The following PHACTR3 variants were observed in gnomAD, a reference collection of about 807,000 sequenced individuals.
PHACTR3 encodes protein phosphatase 1, regulatory subunit 123.
PHACTR3 carries 16 observed loss-of-function variants against 66.8 expected under a neutral mutation model. The observed-to-expected ratio is 0.24, with a 90% CI of 0.16 to 0.36. The LOEUF is 0.36. Among genes scored for constraint, PHACTR3 ranks in the 10% least tolerant of loss-of-function variants. The pLI, the probability that PHACTR3 is intolerant of heterozygous loss-of-function variation, is 1.00. For synonymous variants in PHACTR3, 323 were observed against 292.1 expected, an observed-to-expected ratio of 1.11 and a Z score of -1.08; for missense variants, 647 against 719.9, an observed-to-expected ratio of 0.90 and a Z score of 1.16.
At chr20:59,631,654 A>T (rs4810177) in intron 1 of PHACTR3, among the ~76,000 whole-genome samples, 108,395 of 152,056 alleles carry the variant, frequency 0.71, 38,811 homozygotes, top group East Asian at 0.89. Context: ...AACACTATTA[A>T]CACCAGTATT....
intron 1 of PHACTR3, among the ~76,000 whole-genome samples, chr20:59,623,342 G>A (rs2146371158): frequency 6.6e-6 from 1 of 152,198 alleles, no homozygotes; most frequent in South Asian, 2.1e-4. Context: ...GGGAACTATA[G>A]TATTGTACGC....
At chr20:59,710,726 GCCT>G (rs2037883278) in intron 1 of PHACTR3, among the ~76,000 whole-genome samples, 1 of 151,256 alleles carries the variant, frequency 6.6e-6, no homozygotes, top group Non-Finnish European at 1.5e-5. Context: ...CCTCTTCCAG[GCCT>G]CCTCCTCCTT....
chr20:59,590,695 G>C (rs762328422), intron 1 of PHACTR3, among the ~76,000 whole-genome samples: 1 of 152,148 alleles, frequency 6.6e-6, no homozygotes, highest in Non-Finnish European at 1.5e-5. Context: ...ATCTTAGATG[G>C]ATAATTTAGA....
At chr20:59,816,763 T>G (rs993522569) in intron 8 of PHACTR3, among the ~76,000 whole-genome samples, 21 of 152,214 alleles carry the variant, frequency 1.4e-4, no homozygotes, top group African/African-American at 4.8e-4. Flanking sequence ...AGGTGGGTGG[T>G]TGGGTAGTTA....
intron 1 of PHACTR3, among the ~76,000 whole-genome samples, chr20:59,690,385 A>C (rs2037067005): frequency 6.6e-6 from 1 of 152,214 alleles, no homozygotes; most frequent in South Asian, 2.1e-4. Context: ...ACTCTGGGCT[A>C]ATCCTTTGGG....
intron 8 of PHACTR3, among the ~76,000 whole-genome samples, chr20:59,811,480 G>A (rs1016282297): frequency 6.6e-6 from 1 of 152,156 alleles, no homozygotes; most frequent in African/African-American, 2.4e-5. Flanking sequence ...CCAATATGGT[G>A]AAACCTCGTC....
intron 8 of PHACTR3, chr20:59,836,024 C>A (rs1000521657): frequency 6.5e-6 from 1 of 154,466 alleles, no homozygotes. Flanking sequence ...GATCAGTGCT[C>A]CCAAGGCTGG....
chr20:59,767,495 C>T, intron 5 of PHACTR3, 100 bp downstream of exon 5: 1 of 1,297,342 alleles, frequency 7.7e-7, no homozygotes, highest in Non-Finnish European at 1.1e-6. Flanking sequence ...TCTATTTATT[C>T]ACCCATTCAC....
chr20:59,732,487 C>T (rs1301921924), intron 1 of PHACTR3, among the ~76,000 whole-genome samples: 2 of 152,108 alleles, frequency 1.3e-5, no homozygotes, highest in South Asian at 2.1e-4. Flanking sequence ...CACAATTTTC[C>T]AGGGGCCAAT....
intron 8 of PHACTR3, among the ~76,000 whole-genome samples, chr20:59,812,337 G>A (rs2147021395): frequency 1.3e-5 from 2 of 152,328 alleles, no homozygotes; most frequent in East Asian, 3.9e-4. Context: ...ACAGCAGTTA[G>A]CGGATCTCTG....
Position 59,829,472 on chromosome 20 carries a change from G to A in PHACTR3, c.1329-7033G>A, listed in dbSNP as rs1253253427. On this transcript the variant is annotated intron_variant, in intron 8 of 12. Transcript: ENST00000371015. The surrounding 1 kb of genome is among the most constrained non-coding windows in gnomAD (Gnocchi z 4.2). ...CATTGCTCTGACGCTCTGAGACATA[G>A]GGTCAATGTGCCTGTCATCCGTGCA... Among the ~76,000 whole-genome samples the A allele has an allele frequency of 6.6e-6, 1 of 152,230 alleles. No homozygotes were observed. Among genetic ancestry groups the A allele is most frequent in the African/African-American group, 2.4e-5 (1 of 41,456 alleles).
chr20:59,700,970 T>G (rs2037486060), intron 1 of PHACTR3, among the ~76,000 whole-genome samples: 1 of 150,786 alleles, frequency 6.6e-6, no homozygotes, highest in South Asian at 2.1e-4. Context: ...TTAAAAAAAT[T>G]TTTTGGCGAC....
chr20:59,668,274 G>A (rs1361526221), intron 1 of PHACTR3, among the ~76,000 whole-genome samples: 44 of 151,992 alleles, frequency 2.9e-4, no homozygotes, highest in African/African-American at 9.9e-4. Context: ...TTAGAGGTGG[G>A]CACGTACACC....
At chr20:59,808,087 A>C (rs1335048863) in intron 8 of PHACTR3, among the ~76,000 whole-genome samples, 1 of 152,120 alleles carries the variant, frequency 6.6e-6, no homozygotes, top group Admixed American at 6.5e-5. Flanking sequence ...CATGCCCCTG[A>C]GACAGAATGG....
chr20:59,793,024 A>G (rs932335660), intron 7 of PHACTR3, among the ~76,000 whole-genome samples: 1 of 150,780 alleles, frequency 6.6e-6, no homozygotes, highest in African/African-American at 2.4e-5. Context: ...AGCCGAGACT[A>G]TAGACATGTA....
intron 8 of PHACTR3, among the ~76,000 whole-genome samples, chr20:59,809,410 G>C (rs1037123021): frequency 6.6e-6 from 1 of 152,054 alleles, no homozygotes; most frequent in Non-Finnish European, 1.5e-5. Context: ...TGTTCCTAAG[G>C]CTTGGTTTCC....
intron 7 of PHACTR3, 150 bp from the exon 8 acceptor site, chr20:59,805,891 C>A: frequency 1.2e-6 from 1 of 810,422 alleles, no homozygotes; most frequent in Non-Finnish European, 2.0e-6. Flanking sequence ...CGCAAGCTGG[C>A]GAGCGTGTGT....
chr20:59,778,823 G>C (rs1338415291), intron 7 of PHACTR3, among the ~76,000 whole-genome samples: 1 of 152,190 alleles, frequency 6.6e-6, no homozygotes, highest in Non-Finnish European at 1.5e-5. Flanking sequence ...GCTCAGACCT[G>C]AGCCTCTTGT....
intron 1 of PHACTR3, among the ~76,000 whole-genome samples, chr20:59,731,398 C>CA (rs1885879940): frequency 1.3e-5 from 2 of 152,130 alleles, no homozygotes; most frequent in Non-Finnish European, 2.9e-5. Context: ...AAGCCACATA[C>CA]AAAAAAATCA....
Sources: allele counts gnomAD v4.1 joint callset (sites outside exome capture counted in the v4.1 genomes callset), GRCh38; gene constraint gnomAD v4.1.1; non-coding constraint Gnocchi (gnomAD v3.1); transcripts MANE v1.5; gene names NCBI Gene and HGNC (gene_info 2026-07-23, HGNC 2026-07-21).